The following ACOT11 variants were observed in gnomAD, a reference collection of about 807,000 sequenced individuals.
ACOT11 encodes acyl-CoA thioesterase 11, also known as acyl-coenzyme A thioesterase 11.
Under a neutral mutation model 77.5 loss-of-function variants are expected in ACOT11, and 69 were observed. That is an observed-to-expected ratio of 0.89 (90% CI 0.73 to 1.09). The LOEUF is 1.09. ACOT11 is among the 50% of genes least tolerant of loss of function. The pLI is 0.00. For missense variants in ACOT11, 766 were observed against 813.7 expected (o/e 0.94, Z 0.71); for synonymous variants, 279 against 313.0 (o/e 0.89, Z 1.15).
chr1:54,620,134 A>G lies in ACOT11; in HGVS notation c.1630-10600A>G. 3 of 987,864 alleles carry G rather than the reference A, an allele frequency of 3.0e-6. No individual in the cohort carries two copies. The East Asian group carries it at 7.9e-5, about 26-fold the overall frequency. The allele number at this position is 987,864 out of a possible 1,614,324, so 61.2% of individuals were successfully genotyped here. A position where few individuals can be genotyped will look rare whatever the true frequency, so the allele number is the denominator to read the frequency against. ...TACCCCATCTGGCAGAGGGACGGTG[A>G]GGCTCAGACTCACTGGTGCTACAAT... is the stretch of plus-strand genomic sequence containing the variant. On this transcript the variant is annotated intron_variant, in intron 15 of 16. Transcript: ENST00000371316.
chr1:54,627,467 A>G (rs766482563), intron 15 of ACOT11, among the ~76,000 whole-genome samples: 2 of 135,258 alleles, frequency 1.5e-5, no homozygotes, highest in African/African-American at 2.5e-5. Flanking sequence ...CGTGGGGCAT[A>G]AATTACTAAA....
At chr1:54,582,745 A>G (rs1262829757) in intron 1 of ACOT11, among the ~76,000 whole-genome samples, 1 of 152,070 alleles carries the variant, frequency 6.6e-6, no homozygotes, top group Admixed American at 6.5e-5. Flanking sequence ...CCAGGCTGGT[A>G]AAGCGGGGGT....
At chr1:54,578,077 C>A (rs1654176724) in intron 1 of ACOT11, among the ~76,000 whole-genome samples, 1 of 152,190 alleles carries the variant, frequency 6.6e-6, no homozygotes, top group South Asian at 2.1e-4. Flanking sequence ...CTTAGAAGTC[C>A]TGTGTCAATA....
rs540502406 is a variant in ACOT11, at chr1:54,607,227, C to T, written c.1464C>T (p.Phe488=). The T allele has an allele frequency of 2.4e-5, 38 of 1,614,066 alleles. No individual in the cohort carries two copies. The highest frequency in any genetic ancestry group is 4.5e-5 in the East Asian group (2 of 44,882). Residue 488 remains phenylalanine, a synonymous_variant, in exon 14 of 16, where the codon TTC becomes TTT. Transcript: ENST00000343744. This position sits in a 1 kb window ranked among gnomAD's most constrained non-coding sequence, Gnocchi z 4.5. The part of the protein sequence containing the change: ...ALGGHTKPQD[F]VILASRRKPC... ...GAGGTCACACAAAGCCCCAGGACTT[C>T]GTGATCCTGGCCTCGAGGCGGAAGC...
In ACOT11 at chr1:54,630,090, G is replaced by A. The variant is rs1206677793; in HGVS notation, c.1630-644G>A. 9.0e-5 allele frequency among the ~76,000 whole-genome samples: 12 copies of A among 133,184 alleles called. 3 individuals carry two copies. The South Asian group carries it at 1.0e-3, about 11-fold the overall frequency. 87.4% of individuals were successfully genotyped at this position (133,184 alleles called of 152,430 possible). A position where few individuals can be genotyped will look rare whatever the true frequency, so the allele number is the denominator to read the frequency against. ...ATTTTTTTGTATTTTTAGTAGAGAC[G>A]AGGTTTCACCATGTTGACCAGGATG... On this transcript the variant is annotated intron_variant, in intron 15 of 16. Coordinates refer to the ACOT11 transcript ENST00000371316.
At chr1:54,576,303 G>A (rs910845683) in intron 1 of ACOT11, among the ~76,000 whole-genome samples, 1 of 152,048 alleles carries the variant, frequency 6.6e-6, no homozygotes, top group African/African-American at 2.4e-5. Flanking sequence ...GGCTGAGGTG[G>A]GCAGATGGCT....
chr1:54,613,993 C>A (rs1644145007), downstream of ACOT11, among the ~76,000 whole-genome samples: 1 of 152,168 alleles, frequency 6.6e-6, no homozygotes, highest in Non-Finnish European at 1.5e-5. Flanking sequence ...TACTACCTAC[C>A]TCATTCTCAT....
At chr1:54,602,635 G>A (rs748131883) in intron 9 of ACOT11, 34 bp from the exon 10 acceptor site, 137 of 1,493,770 alleles carry the variant, frequency 9.2e-5, no homozygotes, top group Middle Eastern at 8.9e-4. Context: ...GGAGGGTGGG[G>A]GTAGCTGGTT....
chr1:54,550,860 C>G (rs139988905), intron 1 of ACOT11, among the ~76,000 whole-genome samples: 9 of 151,994 alleles, frequency 5.9e-5, no homozygotes, highest in African/African-American at 1.9e-4. Context: ...CCCCACCAAG[C>G]TGGGTGTGGT....
chr1:54,610,548 G>A (rs1450211490), downstream of ACOT11: 2 of 1,611,452 alleles, frequency 1.2e-6, no homozygotes, highest in South Asian at 1.1e-5. Context: ...GTTTCCGTGT[G>A]GCATTCACTG....
intron 13 of ACOT11, 71 bp downstream of exon 13, chr1:54,605,280 G>A (rs1290509596): frequency 4.5e-6 from 7 of 1,549,180 alleles, no homozygotes; most frequent in Non-Finnish European, 6.1e-6. Flanking sequence ...GTCTCCTTCT[G>A]CGGGTCATCC....
chr1:54,557,977 T>G (rs543886421), intron 1 of ACOT11, among the ~76,000 whole-genome samples: 1 of 152,342 alleles, frequency 6.6e-6, no homozygotes, highest in East Asian at 1.9e-4. Flanking sequence ...AGCTTTCAAC[T>G]TTTCCCTGTT....
intron 4 of ACOT11, among the ~76,000 whole-genome samples, 194 bp from the exon 5 acceptor site, chr1:54,593,747 C>T (rs962847343): frequency 2.0e-5 from 3 of 152,044 alleles, no homozygotes; most frequent in African/African-American, 7.2e-5. Context: ...AGTGACTTGC[C>T]CAAGGTTTCC....
chr1:54,638,449 C>T (rs911420588), exon 17 of ACOT11: 4 of 152,188 alleles, frequency 2.6e-5, no homozygotes, highest in African/African-American at 9.7e-5. Context: ...CCTCGGCCTC[C>T]CGGGTTCAGG....
intron 4 of ACOT11, 54 bp downstream of exon 4, chr1:54,592,660 CCT>C: frequency 1.3e-6 from 2 of 1,573,800 alleles, no homozygotes; most frequent in Non-Finnish European, 1.7e-6. Context: ...TCCTCTACCT[CCT>C]CTCTCCATTC....
chr1:54,548,369 G>A, intron 1 of ACOT11, 27 bp downstream of exon 1: 1 of 1,595,586 alleles, frequency 6.3e-7, no homozygotes, highest in Non-Finnish European at 8.5e-7. Context: ...GGGGCAGCGG[G>A]AGGGCTCTGG....
rs758288371 is a variant in ACOT11, at chr1:54,607,287, G to A, written c.1502+22G>A. Reference sequence around the variant, plus strand: ...ATGGGTGTGTGCCTATCTGCTGTGGGGTGGGGGACACAACTGGACAGGGTG... The same window carrying A: ...ATGGGTGTGTGCCTATCTGCTGTGGAGTGGGGGACACAACTGGACAGGGTG... On this transcript the variant is annotated intron_variant, in intron 14 of 15. Transcript: ENST00000343744. This position sits in a 1 kb window ranked among gnomAD's most constrained non-coding sequence, Gnocchi z 4.5. 6.2e-7 allele frequency: 1 copy of A among 1,613,656 alleles called. No homozygotes were observed. The highest frequency in any genetic ancestry group is 8.5e-7 in the Non-Finnish European group (1 of 1,179,782).
Position 54,610,304 on chromosome 1 carries a change from T to C in ACOT11, c.*1192T>C. Reference sequence around the variant, plus strand: ...CCCACCTTGCATCCAGGGTATGGTGTAAATAAACCTGTGTTGCCATGGCAA... The same window carrying C: ...CCCACCTTGCATCCAGGGTATGGTGCAAATAAACCTGTGTTGCCATGGCAA... On this transcript the variant is annotated 3_prime_UTR_variant, in exon 16 of 16. Transcript: ENST00000343744. 1 of 1,534,126 alleles carries C rather than the reference T, an allele frequency of 6.5e-7. No individual in the cohort carries two copies. Among genetic ancestry groups the C allele is most frequent in the Non-Finnish European group, 8.7e-7 (1 of 1,142,886 alleles).
chr1:54,567,738 C>T (rs752593931), intron 1 of ACOT11, among the ~76,000 whole-genome samples: 42 of 152,170 alleles, frequency 2.8e-4, no homozygotes, highest in Non-Finnish European at 5.7e-4. Context: ...TTCTCACACA[C>T]GTGGAGTCCT....
Sources: allele counts gnomAD v4.1 joint callset (sites outside exome capture counted in the v4.1 genomes callset), GRCh38; gene constraint gnomAD v4.1.1; non-coding constraint Gnocchi (gnomAD v3.1); transcripts MANE v1.5; gene names NCBI Gene and HGNC (gene_info 2026-07-23, HGNC 2026-07-21).